The following CSNK1G1 variants were observed in gnomAD, a reference collection of about 807,000 sequenced individuals.
CSNK1G1 encodes the protein casein kinase 1 gamma 1, also known as casein kinase I isoform gamma-1.
A neutral mutation model predicts 59.6 loss-of-function variants in CSNK1G1; 22 were observed. The ratio of observed to expected loss-of-function variants is 0.37; its 90% CI spans 0.26 to 0.53. The LOEUF is 0.53. Ranked by LOEUF, CSNK1G1 falls within the 20% of genes least tolerant of loss-of-function variation. The probability of loss-of-function intolerance (pLI) is 0.89; values close to 1 mark genes in which losing one functional copy is unlikely to be tolerated. For synonymous variants in CSNK1G1, 179 were observed against 177.1 expected, an observed-to-expected ratio of 1.01 and a Z score of -0.08; for missense variants, 384 against 519.5, an observed-to-expected ratio of 0.74 and a Z score of 2.54.
At position 64,334,158 on chromosome 15, in the gene CSNK1G1, A is replaced by G. The variant is rs554736179; in HGVS notation, c.-225+21830T>C. Among the ~76,000 whole-genome samples, 35 of 152,330 alleles carry G rather than the reference A, an allele frequency of 2.3e-4. No homozygotes were observed. The South Asian group carries it at 7.0e-3, about 31-fold the overall frequency. ...ACCACATGAATCATTCATTACAGGC[A>G]TGCACTGACCACCACGCCCAGCTAA... On this transcript the variant is annotated intron_variant, in intron 1 of 11. Transcript: ENST00000303052.
chr15:64,347,336 C>T (rs1226219138), intron 1 of CSNK1G1, among the ~76,000 whole-genome samples: 7 of 151,992 alleles, frequency 4.6e-5, no homozygotes, highest in Admixed American at 4.6e-4. Context: ...GATAGAAAAA[C>T]CTACACATGT....
chr15:64,216,741 A>G lies in CSNK1G1; in HGVS notation c.293-28T>C, dbSNP rs1274147003. 3 of 1,600,358 alleles carry G rather than the reference A, an allele frequency of 1.9e-6. No homozygotes were observed. The highest frequency in any genetic ancestry group is 1.7e-5 in the Admixed American group (1 of 58,240). On this transcript the variant is annotated intron_variant, in intron 4 of 11. Transcript: ENST00000303052. The surrounding 1 kb of genome is among the most constrained non-coding windows in gnomAD (Gnocchi z 4.6). ...GAAAGCAGAGGGGAAATGGGGGTAT[A>G]CAGTGGGAGACACAAAAGCCAAAAT... is the stretch of plus-strand genomic sequence containing the variant.
At chr15:64,253,502 A>G (rs1892200171) in intron 3 of CSNK1G1, among the ~76,000 whole-genome samples, 1 of 152,182 alleles carries the variant, frequency 6.6e-6, no homozygotes, top group African/African-American at 2.4e-5. Flanking sequence ...CGCTCTGGAA[A>G]ATGGCATGGC....
chr15:64,220,600 T>A (rs1292655855), intron 4 of CSNK1G1, among the ~76,000 whole-genome samples: 2 of 151,592 alleles, frequency 1.3e-5, no homozygotes, highest in Non-Finnish European at 2.9e-5. Flanking sequence ...GGGTTCAAGC[T>A]TTTCTCTTGC....
At chr15:64,231,961 C>A (rs1196938048) in intron 4 of CSNK1G1, among the ~76,000 whole-genome samples, 2 of 152,134 alleles carry the variant, frequency 1.3e-5, no homozygotes, top group East Asian at 3.8e-4. Flanking sequence ...ATTTATAATT[C>A]TTTGGCCCTC....
At chr15:64,352,562 C>G (rs1432117391) in intron 1 of CSNK1G1, among the ~76,000 whole-genome samples, 2 of 147,316 alleles carry the variant, frequency 1.4e-5, no homozygotes, top group Non-Finnish European at 3.0e-5. Flanking sequence ...TCTCTTGCCT[C>G]AGCCTCCCGA....
rs577532184 is a variant in CSNK1G1, at chr15:64,208,893, T to C, written c.680-1299A>G. On this transcript the variant is annotated intron_variant, in intron 6 of 11. Transcript: ENST00000303052. ...TTAGTCTCAGATTTCTTTTTTCTTT[T>C]TTTTTTTTTTTTGAGACAAGGTCTC... Among the ~76,000 whole-genome samples, 10 of 150,842 alleles carry C rather than the reference T, an allele frequency of 6.6e-5. No individual in the cohort carries two copies. The South Asian group carries it at 1.7e-3, about 25-fold the overall frequency.
At chr15:64,263,544 A>G (rs1892811608) in intron 2 of CSNK1G1, among the ~76,000 whole-genome samples, 2 of 152,158 alleles carry the variant, frequency 1.3e-5, no homozygotes, top group African/African-American at 4.8e-5. Context: ...CGCTTTTCAC[A>G]GTGCAGTTGA....
chr15:64,251,602 CTG>C (rs1344963465), intron 3 of CSNK1G1, 21 bp from the exon 4 acceptor site: 1 of 1,569,718 alleles, frequency 6.4e-7, no homozygotes. Context: ...AAAAGAAAAA[CTG>C]TGATCAGATT....
chr15:64,353,532 A>G (rs1205058226), intron 1 of CSNK1G1, among the ~76,000 whole-genome samples: 2 of 151,908 alleles, frequency 1.3e-5, no homozygotes, highest in Non-Finnish European at 2.9e-5. Flanking sequence ...CTGTAATCCC[A>G]GCTACTCAGG....
intron 1 of CSNK1G1, among the ~76,000 whole-genome samples, chr15:64,344,563 G>C (rs1037207495): frequency 6.6e-6 from 1 of 152,094 alleles, no homozygotes; most frequent in African/African-American, 2.4e-5. Flanking sequence ...TAGAAATCCA[G>C]TGACACCTGG....
chr15:64,269,957 C>CTAAT (rs1893195269), intron 2 of CSNK1G1, among the ~76,000 whole-genome samples: 1 of 152,114 alleles, frequency 6.6e-6, no homozygotes, highest in African/African-American at 2.4e-5. Flanking sequence ...GTGCACGCCA[C>CTAAT]CAGACCTGAC....
chr15:64,297,878 C>G (rs1008925968), intron 2 of CSNK1G1, among the ~76,000 whole-genome samples: 7 of 152,094 alleles, frequency 4.6e-5, no homozygotes, highest in African/African-American at 1.7e-4. Flanking sequence ...AATATTAGAA[C>G]AAGAAAATGA....
chr15:64,353,668 A>T (rs976550175), intron 1 of CSNK1G1, among the ~76,000 whole-genome samples: 20 of 148,562 alleles, frequency 1.3e-4, no homozygotes, highest in Admixed American at 3.4e-4. Flanking sequence ...AAAAAAAGAA[A>T]GAAAAAGACT....
intron 4 of CSNK1G1, among the ~76,000 whole-genome samples, chr15:64,222,443 A>C (rs1394221797): frequency 4.7e-4 from 69 of 147,782 alleles, no homozygotes; most frequent in Non-Finnish European, 6.4e-4. Context: ...CCACCAAAAA[A>C]AAAAAAAAAA....
intron 1 of CSNK1G1, among the ~76,000 whole-genome samples, chr15:64,312,350 A>T (rs1039573066): frequency 6.6e-6 from 1 of 152,218 alleles, no homozygotes; most frequent in Non-Finnish European, 1.5e-5. Flanking sequence ...CCTGACTTCA[A>T]ACTATACTAC....
intron 1 of CSNK1G1, among the ~76,000 whole-genome samples, chr15:64,342,273 C>A (rs778255693): frequency 3.3e-5 from 5 of 152,200 alleles, no homozygotes; most frequent in Non-Finnish European, 7.3e-5. Context: ...TTCTCTGCCT[C>A]ATTTGCTGAT....
chr15:64,349,478 G>C (rs1898164363), intron 1 of CSNK1G1, among the ~76,000 whole-genome samples: 2 of 152,050 alleles, frequency 1.3e-5, no homozygotes, highest in South Asian at 4.1e-4. Flanking sequence ...CCCATCCCTA[G>C]CACCCCAACC....
rs112928423 is a variant in CSNK1G1 at position 64,214,825 on chromosome 15, G to C, written c.445-701C>G. ...GGCTAATTTTTGTATTTTTAGTAGA[G>C]ACAGGGTTTCACCATGTTGGCCACA... On this transcript the variant is annotated intron_variant, in intron 5 of 11. Coordinates refer to ENST00000303052, the MANE Select transcript of CSNK1G1 (RefSeq NM_022048.5). This position sits in a 1 kb window ranked among gnomAD's most constrained non-coding sequence, Gnocchi z 4.3. Among the ~76,000 whole-genome samples the C allele has an allele frequency of 6.3e-3, 948 of 150,012 alleles. 11 individuals carry two copies. The highest frequency in any genetic ancestry group is 0.015 in the African/African-American group (608 of 40,696).
Sources: gnomAD v4.1 joint callset for allele counts (sites outside exome capture counted in the v4.1 genomes callset) on GRCh38, gnomAD v4.1.1 for gene constraint, Gnocchi (gnomAD v3.1) non-coding constraint, MANE v1.5 for transcripts, NCBI Gene and HGNC (gene_info 2026-07-23, HGNC 2026-07-21) for gene names.